Variants in YBX1 observed in about 807,000 individuals in gnomAD.
YBX1 encodes the protein Y-box binding protein 1, also known as Y-box-binding protein 1.
In YBX1, 3 loss-of-function variants were observed where a neutral mutation model predicts 41.4. The observed-to-expected ratio is 0.07, with a 90% CI of 0.03 to 0.19. YBX1 has a LOEUF of 0.19. YBX1 is among the 10% of genes least tolerant of loss of function. The pLI, the probability that YBX1 is intolerant of heterozygous loss-of-function variation, is 1.00. For missense variants in YBX1, 274 were observed against 462.8 expected (o/e 0.59, Z 3.74); for synonymous variants, 133 against 165.8 (o/e 0.80, Z 1.52).
intron 2 of YBX1, among the ~76,000 whole-genome samples, chr1:42,689,748 A>G (rs917902739): frequency 3.9e-5 from 6 of 152,192 alleles, no homozygotes; most frequent in Non-Finnish European, 8.8e-5. Context: ...CTTTTGACTT[A>G]CTAAAAAGTT....
chr1:42,685,351 A>G (rs1650168938), intron 2 of YBX1, among the ~76,000 whole-genome samples: 1 of 152,210 alleles, frequency 6.6e-6, no homozygotes, highest in African/African-American at 2.4e-5. Flanking sequence ...TGTTTGGACT[A>G]TCCTAACCTC....
At chr1:42,683,121 G>C (rs772482862) in intron 1 of YBX1, 21 of 603,292 alleles carry the variant, frequency 3.5e-5, no homozygotes, top group South Asian at 2.9e-4. Flanking sequence ...ACGCAGGCCG[G>C]AGCGGCTTCC....
chr1:42,696,925 T>C lies in YBX1; in HGVS notation c.638T>C (p.Val213Ala), dbSNP rs1472123844. ...GRRPQYSNPPVQGEVMEGADN... is the reference protein window; with the variant it reads ...GRRPQYSNPPAQGEVMEGADN... ...CGACCACAGTATTCCAACCCTCCTG[T>C]GCAGGGAGAAGTGATGGAGGTAAGT... The change falls in exon 5 of 8, where the codon GTG becomes GCG. Residue 213 changes from valine to alanine, a missense_variant. By Grantham distance (64) the Val-to-Ala change is moderately conservative (BLOSUM62 0). Transcript: ENST00000321358. This position sits in a 1 kb window ranked among gnomAD's most constrained non-coding sequence, Gnocchi z 5.7. The C allele has an allele frequency of 6.4e-7, 1 of 1,558,842 alleles. No individual in the cohort carries two copies. The highest frequency in any genetic ancestry group is 8.7e-7 in the Non-Finnish European group (1 of 1,151,794).
Position 42,682,595 on chromosome 1 carries a change from GCCCGCCGCC to G in YBX1, c.34_42del (p.Ala12_Pro14del), listed in dbSNP as rs1367147352. 1 of 1,451,412 alleles carries G rather than the reference GCCCGCCGCC, an allele frequency of 6.9e-7. No homozygotes were observed. The highest frequency in any genetic ancestry group is 1.5e-5 in the African/African-American group (1 of 67,546). The allele number at this position is 1,451,412 out of a possible 1,614,324, so 89.9% of individuals were successfully genotyped here. A position where few individuals can be genotyped will look rare whatever the true frequency, so the allele number is the denominator to read the frequency against. ...GCAGCGAGGCCGAGACCCAGCAGCC[GCCCGCCGCC>G]CCCCCCGCCGCCCCCGCCCTCAGCG... On this transcript the variant is annotated inframe_deletion, in exon 1 of 8. Coordinates refer to ENST00000321358, the MANE Select transcript of YBX1 (RefSeq NM_004559.5).
At chr1:42,683,363 C>A (rs776000240) in intron 1 of YBX1, 40 bp from the exon 2 acceptor site, 5 of 1,613,078 alleles carry the variant, frequency 3.1e-6, no homozygotes, top group Non-Finnish European at 4.2e-6. Context: ...AAAAGGATAG[C>A]TGGTAATCGT....
At chr1:42,683,589 G>C (rs1650117053) in intron 2 of YBX1, 123 bp downstream of exon 2, 2 of 1,019,670 alleles carry the variant, frequency 2.0e-6, no homozygotes, top group Admixed American at 4.8e-5. Context: ...ACTACCTCTG[G>C]TGTATTAGTA....
intron 6 of YBX1, among the ~76,000 whole-genome samples, chr1:42,697,581 T>C (rs1333758101): frequency 1.3e-5 from 2 of 152,238 alleles, no homozygotes; most frequent in Non-Finnish European, 2.9e-5. Flanking sequence ...ATCTGAATTG[T>C]ACCATGGCAT....
At chr1:42,683,327 C>T (rs1298684335) in intron 1 of YBX1, 76 bp from the exon 2 acceptor site, 1 of 1,578,878 alleles carries the variant, frequency 6.3e-7, no homozygotes, top group Non-Finnish European at 8.7e-7. Flanking sequence ...TGCGAGGGAC[C>T]GGATGCCCAA....
intron 3 of YBX1, among the ~76,000 whole-genome samples, chr1:42,695,941 C>G (rs993558991): frequency 4.6e-5 from 7 of 152,154 alleles, no homozygotes; most frequent in African/African-American, 1.7e-4. Flanking sequence ...AATGATGTGT[C>G]TGTCTTGAGT....
chr1:42,683,624 C>T (rs1241144200), intron 2 of YBX1, among the ~76,000 whole-genome samples, 158 bp downstream of exon 2: 1 of 152,102 alleles, frequency 6.6e-6, no homozygotes, highest in Non-Finnish European at 1.5e-5. Context: ...TGTTGTTTTC[C>T]TTGATTAGGG....
chr1:42,696,859 G>A lies in YBX1; in HGVS notation c.572G>A (p.Arg191Gln), dbSNP rs1305203095. The part of the protein sequence containing the change: ...QAQQRRPYRR[R>Q]RFPPYYMRRP... ...CAACAACGCCGGCCCTACCGCAGGC[G>A]AAGGTTCCCACCTTACTACATGCGG... Residue 191 changes from arginine (R) to glutamine (Q), a missense_variant, in exon 5 of 8, where the codon CGA (arginine) becomes CAA (glutamine). Arg to Gln is a conservative substitution (Grantham distance 43). Coordinates refer to ENST00000321358, the MANE Select transcript of YBX1 (RefSeq NM_004559.5). The surrounding 1 kb of genome is among the most constrained non-coding windows in gnomAD (Gnocchi z 5.7). The A allele has an allele frequency of 9.3e-6, 15 of 1,608,782 alleles. No individual in the cohort carries two copies. Among genetic ancestry groups the A allele is most frequent in the East Asian group, 2.2e-5 (1 of 44,836 alleles).
chr1:42,688,444 CAAACAT>C (rs1419741945), intron 2 of YBX1, among the ~76,000 whole-genome samples: 4 of 136,860 alleles, frequency 2.9e-5, no homozygotes, highest in Non-Finnish European at 6.6e-5. Flanking sequence ...GAAATGTAAA[CAAACAT>C]AAAGATTCAG....
rs1256348726 is a variant in YBX1, at chr1:42,703,473, CAAAA to C, written c.*1529_*1532del. ...GCAGAGGACTTGATAAGAGACTACT[CAAAA>C]AAAATTTTTTTAACCCTACTTAGTG... On this transcript the variant is annotated 3_prime_UTR_variant, in exon 8 of 8. Transcript: ENST00000321358. Among the ~76,000 whole-genome samples, 4 of 151,692 alleles carry C rather than the reference CAAAA, an allele frequency of 2.6e-5. No homozygotes were observed. In the South Asian group the frequency reaches 6.2e-4, roughly 24 times the overall value.
chr1:42,686,147 C>A (rs1650191084), intron 2 of YBX1, among the ~76,000 whole-genome samples: 1 of 152,156 alleles, frequency 6.6e-6, no homozygotes. Flanking sequence ...GAATTGGCAA[C>A]AGTTTATAGT....
In YBX1 at chr1:42,682,641, A is replaced by G; in HGVS notation, c.76A>G (p.Lys26Glu). ...AAPALSAADTKPGTTGSGAGS... is the reference protein window; with the variant it reads ...AAPALSAADTEPGTTGSGAGS... ...CCCCGCCCTCAGCGCCGCCGACACC[A>G]AGCCCGGCACTACGGGCAGCGGCGC... The change falls in exon 1 of 8, where the codon AAG (lysine) becomes GAG (glutamate). Residue 26 changes from lysine to glutamate, a missense_variant. By Grantham distance (56) the Lys-to-Glu change is moderately conservative. Coordinates refer to ENST00000321358, the MANE Select transcript of YBX1 (RefSeq NM_004559.5). 1.4e-6 allele frequency: 2 copies of G among 1,383,742 alleles called. No individual in the cohort carries two copies. Among genetic ancestry groups the G allele is most frequent in the East Asian group, 3.1e-5 (1 of 31,954 alleles). The allele number at this position is 1,383,742 out of a possible 1,614,324, so 85.7% of individuals were successfully genotyped here. A position where few individuals can be genotyped will look rare whatever the true frequency, so the allele number is the denominator to read the frequency against.
In YBX1 at chr1:42,696,989, G is replaced by A; in HGVS notation, c.657+45G>A. 3 of 1,515,180 alleles carry A rather than the reference G, an allele frequency of 2.0e-6. No homozygotes were observed. In the South Asian group the frequency reaches 4.0e-5, roughly 20 times the overall value. 93.9% of individuals were successfully genotyped at this position (1,515,180 alleles called of 1,614,324 possible). On this transcript the variant is annotated intron_variant, in intron 5 of 7. Coordinates refer to ENST00000321358, the MANE Select transcript of YBX1 (RefSeq NM_004559.5). The surrounding 1 kb of genome is among the most constrained non-coding windows in gnomAD (Gnocchi z 5.7). ...ACAGCAATGTGATAAGTTCTGGTAG[G>A]ACTGTTTAGAGCTGTTAATTATATG...
chr1:42,683,319 C>G (rs1319026139), intron 1 of YBX1, 84 bp from the exon 2 acceptor site: 3 of 1,545,150 alleles, frequency 1.9e-6, no homozygotes, highest in East Asian at 2.2e-5. Context: ...GGCCGGCGTG[C>G]GAGGGACCGG....
At chr1:42,694,755 G>T (rs2148739729) in intron 3 of YBX1, among the ~76,000 whole-genome samples, 1 of 152,306 alleles carries the variant, frequency 6.6e-6, no homozygotes, top group South Asian at 2.1e-4. Flanking sequence ...CAGACAAAAT[G>T]TTGTTTTAAA....
At chr1:42,686,201 G>T (rs1038811878) in intron 2 of YBX1, among the ~76,000 whole-genome samples, 2 of 152,238 alleles carry the variant, frequency 1.3e-5, no homozygotes, top group Middle Eastern at 3.4e-3. Context: ...TACTTAAAAT[G>T]TTTAAATTAA....
Sources: allele counts gnomAD v4.1 joint callset (sites outside exome capture counted in the v4.1 genomes callset), GRCh38; gene constraint gnomAD v4.1.1; non-coding constraint Gnocchi (gnomAD v3.1); transcripts MANE v1.5; gene names NCBI Gene and HGNC (gene_info 2026-07-23, HGNC 2026-07-21).